Variants in KDM2B observed in about 807,000 individuals in gnomAD.
KDM2B encodes lysine demethylase 2B, also known as lysine-specific demethylase 2B.
A neutral mutation model predicts 150.0 loss-of-function variants in KDM2B; 26 were observed. That is an observed-to-expected ratio of 0.17 (90% CI 0.13 to 0.24). KDM2B has a LOEUF of 0.24. Among genes scored for constraint, KDM2B ranks in the 10% least tolerant of loss-of-function variants. The pLI, the probability that KDM2B is intolerant of heterozygous loss-of-function variation, is 1.00. For missense variants in KDM2B, 1,265 were observed against 1,816.9 expected (o/e 0.70, Z 5.52); for synonymous variants, 734 against 729.5 (o/e 1.01, Z -0.10).
chr12:121,550,776 G>A (rs1459835520), intron 4 of KDM2B, among the ~76,000 whole-genome samples: 1 of 152,174 alleles, frequency 6.6e-6, no homozygotes, highest in African/African-American at 2.4e-5. Flanking sequence ...TTACAGGCAT[G>A]AGCCACCGCA....
At chr12:121,459,299 T>C (rs937512443) in intron 12 of KDM2B, among the ~76,000 whole-genome samples, 5 of 152,132 alleles carry the variant, frequency 3.3e-5, no homozygotes, top group African/African-American at 1.2e-4. Context: ...TTTCAACGTA[T>C]GGTGCTGGGA....
rs1438422151 is a variant in KDM2B at position 121,467,680 on chromosome 12, G to A, written c.1735-14336C>T. The A allele has an allele frequency of 3.9e-5, 6 of 152,058 alleles. No individual in the cohort carries two copies. Among genetic ancestry groups the A allele is most frequent in the Admixed American group, 3.3e-4 (5 of 15,272 alleles). 9.4% of individuals were successfully genotyped at this position (152,058 alleles called of 1,614,324 possible). ...GCTGCACGCCGCCACCGCTGCAACA[G>A]GAAATGCGCGCCCGGCCTGGGGTGG... On this transcript the variant is annotated intron_variant, in intron 12 of 22. Transcript: ENST00000377071. The surrounding 1 kb of genome is among the most constrained non-coding windows in gnomAD (Gnocchi z 5.1).
At chr12:121,536,116 G>T in intron 6 of KDM2B, 1 of 985,552 alleles carries the variant, frequency 1.0e-6, no homozygotes, top group South Asian at 4.7e-5. Context: ...GCGCCGGCAC[G>T]AGTGGAGATA....
chr12:121,415,402 C>A, the KDM2B span: 2 of 254,654 alleles, frequency 7.9e-6, no homozygotes, highest in South Asian at 3.5e-5. Context: ...AGGCAGATCA[C>A]TTGAGGCCAC....
At chr12:121,502,489 C>T (rs1468549639) in intron 11 of KDM2B, among the ~76,000 whole-genome samples, 8 of 151,848 alleles carry the variant, frequency 5.3e-5, no homozygotes, top group East Asian at 1.9e-4. Context: ...GGCGTGGTGG[C>T]GCATGCCTGT....
chr12:121,494,626 C>A lies in KDM2B; in HGVS notation c.1687G>T (p.Ala563Ser), dbSNP rs1555300551. ...GTCACCACAGGGACCCCAGTGATGGCCAGACTAGGGTCATCATCTGCGTGC... is the reference window on the plus strand; with the variant it reads ...GTCACCACAGGGACCCCAGTGATGGACAGACTAGGGTCATCATCTGCGTGC... ...KEHADDDPSL[A>S]ITGVPVVTWP... The change falls in exon 12 of 23, where the codon GCC becomes TCC. Residue 563 changes from alanine to serine, a missense_variant. Ala to Ser is a moderately conservative substitution (Grantham distance 99). This residue lies in a region of KDM2B where 69 missense variants were observed against 85.7 expected (regional missense o/e 0.81). Transcript: ENST00000377071. The A allele has an allele frequency of 2.4e-5, 39 of 1,613,540 alleles. No individual in the cohort carries two copies. Among genetic ancestry groups the A allele is most frequent in the Non-Finnish European group, 3.2e-5 (38 of 1,179,764 alleles).
intron 6 of KDM2B, among the ~76,000 whole-genome samples, chr12:121,541,205 C>T (rs1242035802): frequency 2.6e-5 from 4 of 151,922 alleles, no homozygotes; most frequent in African/African-American, 9.7e-5. Flanking sequence ...GCACTCCAGC[C>T]TGGGCAACAA....
At chr12:121,507,080 G>A (rs1166974095) in intron 11 of KDM2B, among the ~76,000 whole-genome samples, 1 of 146,504 alleles carries the variant, frequency 6.8e-6, no homozygotes, top group East Asian at 2.0e-4. Flanking sequence ...CTGGGCGACA[G>A]AGCGAGACTC....
chr12:121,462,121 G>A (rs1318166504), intron 12 of KDM2B, among the ~76,000 whole-genome samples: 3 of 152,228 alleles, frequency 2.0e-5, no homozygotes, highest in African/African-American at 4.8e-5. Context: ...AAGGCCACAG[G>A]CCCCCCGATT....
intron 12 of KDM2B, among the ~76,000 whole-genome samples, chr12:121,477,864 C>T (rs554012176): frequency 1.3e-5 from 2 of 151,728 alleles, no homozygotes; most frequent in East Asian, 3.9e-4. Context: ...AGGTGTGAGC[C>T]ATCGTGCCCA....
intron 2 of KDM2B, among the ~76,000 whole-genome samples, chr12:121,578,243 C>T (rs1039026261): frequency 1.3e-5 from 2 of 152,222 alleles, no homozygotes; most frequent in African/African-American, 4.8e-5. Flanking sequence ...CTGATCCAAT[C>T]TGGCAGAGCC....
chr12:121,413,575 CTT>C, the KDM2B span, among the ~76,000 whole-genome samples: 8 of 108,738 alleles, frequency 7.4e-5, no homozygotes, highest in Non-Finnish European at 7.3e-5. Flanking sequence ...CCATGCCCAG[CTT>C]TTTTTTTTTT....
intron 12 of KDM2B, among the ~76,000 whole-genome samples, chr12:121,473,723 A>AAAG (rs1158740781): frequency 9.3e-5 from 14 of 151,250 alleles, no homozygotes; most frequent in Non-Finnish European, 1.8e-4. Context: ...CCCAACTCAA[A>AAAG]AAAAAAAAAA....
intron 4 of KDM2B, among the ~76,000 whole-genome samples, chr12:121,559,963 T>C (rs1555313591): frequency 6.6e-6 from 1 of 151,886 alleles, no homozygotes; most frequent in African/African-American, 2.4e-5. Context: ...AGAAATTTGA[T>C]CATTGAAAAT....
intron 11 of KDM2B, among the ~76,000 whole-genome samples, chr12:121,499,409 C>T (rs1884300091): frequency 1.3e-5 from 2 of 151,788 alleles, no homozygotes; most frequent in African/African-American, 2.4e-5. Context: ...GCGTGAGCCA[C>T]CACACCCGGC....
chr12:121,558,557 G>A (rs570726020), intron 4 of KDM2B, among the ~76,000 whole-genome samples: 4 of 151,344 alleles, frequency 2.6e-5, no homozygotes, highest in East Asian at 3.9e-4. Flanking sequence ...GGGTTCAAGC[G>A]ATTTTCCTGC....
intron 4 of KDM2B, among the ~76,000 whole-genome samples, chr12:121,571,760 C>A (rs1555315991): frequency 6.6e-6 from 1 of 151,580 alleles, no homozygotes; most frequent in Non-Finnish European, 1.5e-5. Flanking sequence ...AAGAGATTCT[C>A]CTGCCTCAGC....
chr12:121,478,784 C>T (rs1555297285), intron 12 of KDM2B, among the ~76,000 whole-genome samples: 1 of 151,844 alleles, frequency 6.6e-6, no homozygotes, highest in Non-Finnish European at 1.5e-5. Flanking sequence ...GTTGCCCAGG[C>T]TCAAGCAATC....
intron 17 of KDM2B, 114 bp downstream of exon 17, chr12:121,443,566 T>A: frequency 1.4e-6 from 1 of 717,580 alleles, no homozygotes. Flanking sequence ...GGCCGAGACC[T>A]GGGAAGCCTC....
Sources: allele counts gnomAD v4.1 joint callset (sites outside exome capture counted in the v4.1 genomes callset), GRCh38; gene constraint gnomAD v4.1.1; regional missense constraint gnomAD v4.1.1; non-coding constraint Gnocchi (gnomAD v3.1); transcripts MANE v1.5; gene names NCBI Gene and HGNC (gene_info 2026-07-23, HGNC 2026-07-21).